The following LAMA2 variants were observed in gnomAD, a reference collection of about 807,000 sequenced individuals.
The protein encoded by LAMA2 is laminin subunit alpha-2.
Under a neutral mutation model 364.8 loss-of-function variants are expected in LAMA2, and 269 were observed. The ratio of observed to expected loss-of-function variants is 0.74; its 90% CI spans 0.67 to 0.82. The LOEUF (loss-of-function observed/expected upper bound fraction) is 0.82. Among genes scored for constraint, LAMA2 ranks in the 40% least tolerant of loss-of-function variants. The pLI, the probability that LAMA2 is intolerant of heterozygous loss-of-function variation, is 0.00. For missense variants in LAMA2, 3,807 were observed against 3,873.2 expected (o/e 0.98, Z 0.45); for synonymous variants, 1,379 against 1,370.6 (o/e 1.01, Z -0.14).
intron 1 of LAMA2, among the ~76,000 whole-genome samples, chr6:128,917,907 T>C (rs1460214386): frequency 2.6e-5 from 4 of 151,802 alleles, no homozygotes; most frequent in Non-Finnish European, 4.4e-5. Flanking sequence ...CTAATTTTTC[T>C]ATTTTTTTTG....
rs1020056535 is a variant in LAMA2 at position 129,369,343 on chromosome 6, G to A, written c.4861-549G>A. ...TTTAGTGTCCTATGAGATTATTTAT[G>A]TTCCATAGGAAAAAAATATGGCCCT... On this transcript the variant is annotated intron_variant, in intron 33 of 64. Coordinates refer to ENST00000421865, the MANE Select transcript of LAMA2 (RefSeq NM_000426.4). Among the ~76,000 whole-genome samples, 23 of 152,260 alleles carry A rather than the reference G, an allele frequency of 1.5e-4. No homozygotes were observed. The South Asian group carries it at 3.9e-3, about 26-fold the overall frequency.
At chr6:129,122,092 T>A (rs117162257) in intron 4 of LAMA2, among the ~76,000 whole-genome samples, 106 of 152,354 alleles carry the variant, frequency 7.0e-4, no homozygotes, top group Non-Finnish European at 1.4e-3. Context: ...TCAAGTTTTT[T>A]AAACTGATTT....
intron 53 of LAMA2, among the ~76,000 whole-genome samples, chr6:129,476,650 C>T (rs1360769755): frequency 6.6e-6 from 1 of 151,864 alleles, no homozygotes; most frequent in South Asian, 2.1e-4. Context: ...AGTAACAAGA[C>T]CTCTGAAAAA....
intron 56 of LAMA2, 118 bp downstream of exon 56, chr6:129,486,740 A>G: frequency 2.1e-6 from 2 of 938,818 alleles, no homozygotes; most frequent in Non-Finnish European, 1.7e-6. Context: ...TGCATTGCAA[A>G]AGGATACCGT....
In LAMA2 at chr6:129,052,582, C is replaced by A. The variant is rs76943502; in HGVS notation, c.283+2494C>A. On this transcript the variant is annotated intron_variant, in intron 2 of 64. Coordinates refer to ENST00000421865, the MANE Select transcript of LAMA2 (RefSeq NM_000426.4). ...CGTGGACTTCTCCATTACCAAAATCCCCCTCCAGAGTGCTACATTTGTTAC... is the reference window on the plus strand; with the variant it reads ...CGTGGACTTCTCCATTACCAAAATCACCCTCCAGAGTGCTACATTTGTTAC... 9.8e-3 allele frequency among the ~76,000 whole-genome samples: 1,485 copies of A among 152,186 alleles called. 24 individuals are homozygous for A. The highest frequency in any genetic ancestry group is 0.034 in the African/African-American group (1,403 of 41,510).
intron 41 of LAMA2, among the ~76,000 whole-genome samples, chr6:129,434,331 G>C (rs1325744890): frequency 6.6e-6 from 1 of 152,070 alleles, no homozygotes; most frequent in Non-Finnish European, 1.5e-5. Context: ...TGTGAGTCCT[G>C]CTTTTGCCAA....
intron 61 of LAMA2, among the ~76,000 whole-genome samples, chr6:129,506,109 T>C (rs936526786): frequency 2.0e-5 from 3 of 152,046 alleles, no homozygotes; most frequent in Non-Finnish European, 4.4e-5. Flanking sequence ...TCCCAGCACT[T>C]TGGGAGGCCA....
Position 129,383,157 on chromosome 6 carries a change from A to C in LAMA2, c.4995A>C (p.Gly1665=), listed in dbSNP as rs1778792586. The part of the protein sequence containing the change: ...TKVTADGEQT[G]QDAERTNTRA... ...TGACAGCAGATGGCGAGCAGACCGG[A>C]CAGGATGCTGAGAGGACCAACACAA... The change falls in exon 35 of 65, where the codon GGA becomes GGC. Residue 1665 remains glycine, a synonymous_variant. Transcript: ENST00000421865. 3 of 1,613,920 alleles carry C rather than the reference A, an allele frequency of 1.9e-6. No individual in the cohort carries two copies. Among genetic ancestry groups the C allele is most frequent in the Non-Finnish European group, 2.5e-6 (3 of 1,179,930 alleles).
At chr6:129,477,635 T>G (rs982538640) in intron 53 of LAMA2, among the ~76,000 whole-genome samples, 2 of 152,086 alleles carry the variant, frequency 1.3e-5, no homozygotes, top group African/African-American at 4.8e-5. Flanking sequence ...AACATTCAAG[T>G]GTAGTTTGAG....
chr6:129,473,911 A>G (rs552240034), intron 52 of LAMA2, among the ~76,000 whole-genome samples: 19 of 152,164 alleles, frequency 1.2e-4, no homozygotes, highest in Admixed American at 1.2e-3. Flanking sequence ...TTTGCTTCCT[A>G]ATTTAGTTAG....
intron 42 of LAMA2, among the ~76,000 whole-genome samples, chr6:129,439,073 C>G (rs1035402952): frequency 2.0e-5 from 3 of 151,844 alleles, no homozygotes; most frequent in Admixed American, 6.6e-5. Context: ...AGGACCCCCC[C>G]CCACAGATAT....
At chr6:129,305,604 C>T (rs951446891) in intron 22 of LAMA2, among the ~76,000 whole-genome samples, 1 of 151,886 alleles carries the variant, frequency 6.6e-6, no homozygotes, top group African/African-American at 2.4e-5. Flanking sequence ...TACCACCATG[C>T]CTAGCTTAAT....
intron 12 of LAMA2, among the ~76,000 whole-genome samples, chr6:129,196,340 G>A (rs1383954351): frequency 6.6e-6 from 1 of 152,138 alleles, no homozygotes; most frequent in Admixed American, 6.5e-5. Context: ...GAAGGAAACT[G>A]ATATTTGAGA....
intron 3 of LAMA2, among the ~76,000 whole-genome samples, chr6:129,081,571 T>C (rs1774059556): frequency 6.6e-6 from 1 of 152,192 alleles, no homozygotes; most frequent in East Asian, 1.9e-4. Context: ...TTGGGTAATT[T>C]CAATTGCAAT....
chr6:129,319,324 T>C (rs1774809304), intron 27 of LAMA2, among the ~76,000 whole-genome samples: 1 of 152,204 alleles, frequency 6.6e-6, no homozygotes, highest in African/African-American at 2.4e-5. Flanking sequence ...AATATAAATG[T>C]CTAATTAATT....
rs73599293 is a variant in LAMA2, at chr6:129,503,261, A to G, written c.8528A>G (p.Asn2843Ser). 6,229 of 1,613,934 alleles carry G rather than the reference A, an allele frequency of 3.9e-3. 194 individuals carry two copies. In the African/African-American group the frequency reaches 0.072, roughly 19 times the overall value. Residue 2843 changes from asparagine (N) to serine (S), a missense_variant, in exon 60 of 65, where the codon AAT becomes AGT. By Grantham distance (46) the Asn-to-Ser change is conservative. Coordinates refer to ENST00000421865, the MANE Select transcript of LAMA2 (RefSeq NM_000426.4). Reference sequence around the variant, plus strand: ...CACACCATGATCCCCACCAAAATCAATGATGGCCAGTGGCACAAGGTAATA... The same window carrying G: ...CACACCATGATCCCCACCAAAATCAGTGATGGCCAGTGGCACAAGGTAATA... ...DTHTMIPTKI[N>S]DGQWHKIKIM...
At chr6:129,194,181 CA>C (rs200455884) in intron 12 of LAMA2, among the ~76,000 whole-genome samples, 1 of 150,032 alleles carries the variant, frequency 6.7e-6, no homozygotes, top group Non-Finnish European at 1.5e-5. Flanking sequence ...TTAAAATTGC[CA>C]AAAAAATATA....
At chr6:129,493,873 A>G (rs918051297) in intron 58 of LAMA2, among the ~76,000 whole-genome samples, 1 of 152,098 alleles carries the variant, frequency 6.6e-6, no homozygotes, top group Non-Finnish European at 1.5e-5. Flanking sequence ...TGCCTTTCCA[A>G]TTTATTCTAC....
At chr6:128,915,306 A>T (rs1778240719) in intron 1 of LAMA2, among the ~76,000 whole-genome samples, 2 of 152,340 alleles carry the variant, frequency 1.3e-5, no homozygotes, top group Admixed American at 1.3e-4. Context: ...AAATACATAC[A>T]CATACGAATT....
Sources: gnomAD v4.1 joint callset for allele counts (sites outside exome capture counted in the v4.1 genomes callset) on GRCh38, gnomAD v4.1.1 for gene constraint, MANE v1.5 for transcripts, NCBI Gene and HGNC (gene_info 2026-07-23, HGNC 2026-07-21) for gene names.